Variants in POFUT4 observed in about 807,000 individuals in gnomAD.
POFUT4 encodes the protein protein O-fucosyltransferase 4.
chr10:73,773,040 C>T, the POFUT4 span: 9 of 1,569,764 alleles, frequency 5.7e-6, no homozygotes, highest in African/African-American at 1.4e-5. Flanking sequence ...CGCCACATCC[C>T]GGTGAGTGAG....
the POFUT4 span, chr10:73,772,480 G>A: frequency 2.6e-6 from 4 of 1,549,762 alleles, no homozygotes; most frequent in Admixed American, 1.9e-5. Context: ...TTTTCCGGCC[G>A]CCCTCGGCGC....
the POFUT4 span, chr10:73,772,495 C>T: frequency 3.9e-6 from 6 of 1,557,586 alleles, no homozygotes; most frequent in Middle Eastern, 1.7e-4. Flanking sequence ...CGGCGCTGGG[C>T]GCAGTGGGGG....
At chr10:73,775,153 T>A in the POFUT4 span, 5 of 480,428 alleles carry the variant, frequency 1.0e-5, no homozygotes, top group Non-Finnish European at 1.5e-5. Flanking sequence ...TGATGCACCT[T>A]CATTTTGATT....
the POFUT4 span, chr10:73,774,476 AATATAAT>A: frequency 6.6e-6 from 1 of 152,084 alleles, no homozygotes; most frequent in African/African-American, 2.4e-5. Context: ...GGCCAGAGAC[AATATAAT>A]ATATAATATA....
At chr10:73,772,602 C>T in the POFUT4 span, 3 of 1,568,468 alleles carry the variant, frequency 1.9e-6, no homozygotes, top group Non-Finnish European at 2.6e-6. Flanking sequence ...CCCCACTTCC[C>T]GGGAGACTCG....
chr10:73,777,128 A>G, the POFUT4 span, among the ~76,000 whole-genome samples: 3 of 152,350 alleles, frequency 2.0e-5, no homozygotes, highest in East Asian at 3.9e-4. Flanking sequence ...ATGAACAGAA[A>G]GATTCAGTGG....
the POFUT4 span, chr10:73,775,825 G>T: frequency 2.2e-6 from 2 of 897,980 alleles, no homozygotes; most frequent in Non-Finnish European, 3.4e-6. Flanking sequence ...TATCTATTAA[G>T]ATTTTATCTT....
the POFUT4 span, chr10:73,772,537 G>A: frequency 1.3e-6 from 2 of 1,569,920 alleles, no homozygotes; most frequent in South Asian, 1.2e-5. Flanking sequence ...CGCGGCCAGG[G>A]AGGGAGGAGG....
chr10:73,772,943 C>G, the POFUT4 span: 23 of 1,607,348 alleles, frequency 1.4e-5, no homozygotes, highest in Non-Finnish European at 1.8e-5. Context: ...CGCGGAGTGG[C>G]GCCGCCGCGG....
chr10:73,773,756 G>A, the POFUT4 span: 1 of 1,611,566 alleles, frequency 6.2e-7, no homozygotes, highest in Non-Finnish European at 8.5e-7. Context: ...CCTCACACAT[G>A]GACTGCCCAG....
chr10:73,772,737 CGCGCCTG>C, the POFUT4 span: 7 of 1,597,724 alleles, frequency 4.4e-6, no homozygotes, highest in Non-Finnish European at 6.0e-6. Context: ...GCCCCGCTGC[CGCGCCTG>C]GCGCACCAGA....
At chr10:73,772,278 C>T in the POFUT4 span, 2 of 1,356,244 alleles carry the variant, frequency 1.5e-6, no homozygotes. Flanking sequence ...CCGGTCACGA[C>T]TATCCGCTGG....
the POFUT4 span, chr10:73,773,214 C>T: frequency 1.2e-6 from 2 of 1,612,166 alleles, no homozygotes; most frequent in East Asian, 2.2e-5. Flanking sequence ...GAAATGCCTG[C>T]AGAATCGGGA....
chr10:73,772,293 G>C, the POFUT4 span: 3 of 1,380,954 alleles, frequency 2.2e-6, no homozygotes, highest in East Asian at 2.9e-5. Flanking sequence ...CGCTGGGCGG[G>C]GTCGGTGCTG....
the POFUT4 span, chr10:73,773,890 A>T: frequency 1.4e-6 from 2 of 1,460,972 alleles, no homozygotes; most frequent in Non-Finnish European, 1.8e-6. Context: ...AAGTAGCACT[A>T]GGTGCTGAGC....
the POFUT4 span, among the ~76,000 whole-genome samples, chr10:73,776,986 C>T: frequency 6.6e-6 from 1 of 152,210 alleles, no homozygotes; most frequent in Non-Finnish European, 1.5e-5. Context: ...GCCTCAAATA[C>T]ATTTTTTTAA....
chr10:73,775,604 C>T, the POFUT4 span: 8 of 1,614,230 alleles, frequency 5.0e-6, no homozygotes, highest in Non-Finnish European at 5.9e-6. Flanking sequence ...CTCTCACTGC[C>T]ATGATCCACA....
At chr10:73,775,590 G>C in the POFUT4 span, 1 of 1,614,242 alleles carries the variant, frequency 6.2e-7, no homozygotes, top group South Asian at 1.1e-5. Context: ...GGACCAGGGG[G>C]AAGCTCTCAC....
chr10:73,773,549 T>TG, the POFUT4 span: 3 of 1,614,240 alleles, frequency 1.9e-6, no homozygotes, highest in Non-Finnish European at 2.5e-6. Flanking sequence ...ACAAGCAACC[T>TG]GGGGGCATCA....
Sources: allele counts gnomAD v4.1 joint callset (sites outside exome capture counted in the v4.1 genomes callset), GRCh38; gene constraint gnomAD v4.1.1; transcripts MANE v1.5; gene names NCBI Gene and HGNC (gene_info 2026-07-23, HGNC 2026-07-21).